The following ESYT2 variants were observed in gnomAD, a reference collection of about 807,000 sequenced individuals.
ESYT2 encodes extended synaptotagmin 2, also known as extended synaptotagmin-2.
Under a neutral mutation model 107.2 loss-of-function variants are expected in ESYT2, and 54 were observed. That is an observed-to-expected ratio of 0.50 (90% CI 0.40 to 0.63). ESYT2 has a LOEUF of 0.63. Ranked by LOEUF, ESYT2 falls within the 30% of genes least tolerant of loss-of-function variation. The probability of loss-of-function intolerance (pLI) is 0.00; values close to 1 mark genes in which losing one functional copy is unlikely to be tolerated. For synonymous variants in ESYT2, 491 were observed against 434.1 expected, an observed-to-expected ratio of 1.13 and a Z score of -1.63; for missense variants, 1,020 against 1,094.5, an observed-to-expected ratio of 0.93 and a Z score of 0.96.
intron 6 of ESYT2, among the ~76,000 whole-genome samples, chr7:158,781,527 G>A (rs907527824): frequency 6.6e-5 from 10 of 151,698 alleles, no homozygotes; most frequent in African/African-American, 1.9e-4. Flanking sequence ...AGTGTGAGAG[G>A]TGTGAGTGTA....
intron 6 of ESYT2, among the ~76,000 whole-genome samples, chr7:158,782,639 T>G (rs896973278): frequency 2.0e-4 from 10 of 50,580 alleles, no homozygotes; most frequent in Admixed American, 1.7e-3. Flanking sequence ...AGTGGGTATG[T>G]GAGAACAAAG....
At chr7:158,821,592 T>C (rs978162654) in intron 1 of ESYT2, among the ~76,000 whole-genome samples, 4 of 152,240 alleles carry the variant, frequency 2.6e-5, no homozygotes, top group African/African-American at 9.6e-5. Flanking sequence ...AAATCAGAAC[T>C]GCCCTGAGGG....
intron 1 of ESYT2, among the ~76,000 whole-genome samples, chr7:158,823,412 C>T (rs1322759917): frequency 2.7e-5 from 4 of 149,708 alleles, no homozygotes; most frequent in African/African-American, 7.4e-5. Flanking sequence ...CTGCAAGCTC[C>T]GCCTCCCAGT....
At chr7:158,736,819 A>G (rs890583667) in intron 20 of ESYT2, among the ~76,000 whole-genome samples, 1 of 152,242 alleles carries the variant, frequency 6.6e-6, no homozygotes, top group East Asian at 1.9e-4. Flanking sequence ...TTTAATCACT[A>G]GTCTACATGT....
intron 2 of ESYT2, 28 bp downstream of exon 2, chr7:158,799,003 G>C: frequency 6.3e-7 from 1 of 1,595,238 alleles, no homozygotes; most frequent in Non-Finnish European, 8.6e-7. Flanking sequence ...TCCACTGATG[G>C]ATGGTAGTTG....
intron 11 of ESYT2, among the ~76,000 whole-genome samples, chr7:158,760,730 T>C (rs1837933590): frequency 6.6e-6 from 1 of 152,206 alleles, no homozygotes; most frequent in Non-Finnish European, 1.5e-5. Flanking sequence ...CATCACTCTA[T>C]ACTAATAAAA....
chr7:158,751,504 C>T (rs1837583608), intron 14 of ESYT2, among the ~76,000 whole-genome samples: 1 of 152,052 alleles, frequency 6.6e-6, no homozygotes, highest in South Asian at 2.1e-4. Flanking sequence ...TCTGTTTATC[C>T]CTTGATTATT....
chr7:158,782,537 AAAT>A lies in ESYT2; in HGVS notation c.747+5464_747+5466del, dbSNP rs1433374770. 1.1e-4 allele frequency among the ~76,000 whole-genome samples: 16 copies of A among 143,250 alleles called. No homozygotes were observed. The South Asian group carries it at 3.3e-3, about 29-fold the overall frequency. The allele number at this position is 143,250 out of a possible 152,430, so 94.0% of individuals were successfully genotyped here. On this transcript the variant is annotated intron_variant, in intron 6 of 22. Transcript: ENST00000275418. Reference sequence around the variant, plus strand: ...TGTGAGTGGAATAGCGAGTGTAAGAAAATGAGTGTGAGAAGCAGCGGGAAAGTG... The same window carrying A: ...TGTGAGTGGAATAGCGAGTGTAAGAAGAGTGTGAGAAGCAGCGGGAAAGTG...
At chr7:158,771,198 T>C (rs962681818) in intron 7 of ESYT2, among the ~76,000 whole-genome samples, 20 of 152,250 alleles carry the variant, frequency 1.3e-4, no homozygotes, top group African/African-American at 4.3e-4. Context: ...CTGACTGCCC[T>C]TTCAGGTTGC....
At chr7:158,827,258 A>G (rs557993242) in intron 1 of ESYT2, among the ~76,000 whole-genome samples, 1 of 152,280 alleles carries the variant, frequency 6.6e-6, no homozygotes, top group South Asian at 2.1e-4. Flanking sequence ...AGTATCTATG[A>G]AAGTCAGCAT....
At chr7:158,740,033 G>C (rs191662188) in intron 18 of ESYT2, among the ~76,000 whole-genome samples, 3 of 152,348 alleles carry the variant, frequency 2.0e-5, no homozygotes, top group African/African-American at 7.2e-5. Flanking sequence ...GAGAGCAGCA[G>C]TGTTAAAGCA....
chr7:158,733,366 T>A lies in ESYT2; in HGVS notation c.*841A>T, dbSNP rs533136974. ...TTTGACAACAGCTTAATTGCTAACA[T>A]TGAAAGTCTGCTCTTACAGTTGAGG... On this transcript the variant is annotated 3_prime_UTR_variant, in exon 23 of 23. Transcript: ENST00000275418. The A allele has an allele frequency of 6.6e-6, 1 of 152,232 alleles. No individual in the cohort carries two copies. The highest frequency in any genetic ancestry group is 6.5e-5 in the Admixed American group (1 of 15,280). 9.4% of individuals were successfully genotyped at this position (152,232 alleles called of 1,614,324 possible).
intron 20 of ESYT2, among the ~76,000 whole-genome samples, chr7:158,736,632 C>T (rs890653298): frequency 3.3e-5 from 5 of 152,052 alleles, no homozygotes; most frequent in African/African-American, 1.2e-4. Flanking sequence ...TTTGGAAATA[C>T]AGTTGTTTTT....
intron 14 of ESYT2, among the ~76,000 whole-genome samples, chr7:158,751,538 T>G (rs1476637587): frequency 6.6e-6 from 1 of 152,240 alleles, no homozygotes; most frequent in Non-Finnish European, 1.5e-5. Flanking sequence ...TGCATCTATC[T>G]GAACCTCAGT....
chr7:158,768,605 G>C (rs1189198), intron 7 of ESYT2, among the ~76,000 whole-genome samples: 102,684 of 152,054 alleles, frequency 0.68, 36,339 homozygotes, highest in Non-Finnish European at 0.78. Flanking sequence ...TTTTAGTAGA[G>C]ACAGGGTTCA....
At chr7:158,788,936 C>A (rs1839194881) in intron 4 of ESYT2, among the ~76,000 whole-genome samples, 2 of 152,172 alleles carry the variant, frequency 1.3e-5, no homozygotes, top group African/African-American at 4.8e-5. Context: ...TTTGGGGCCT[C>A]AATTTTACTC....
intron 1 of ESYT2, among the ~76,000 whole-genome samples, chr7:158,809,345 G>A (rs553018521): frequency 4.9e-4 from 74 of 151,834 alleles, no homozygotes; most frequent in Non-Finnish European, 6.3e-4. Flanking sequence ...GCGTGGTGGC[G>A]TGCATCTGTA....
intron 10 of ESYT2, 81 bp from the exon 11 acceptor site, chr7:158,761,625 TTTC>T: frequency 7.7e-7 from 1 of 1,291,486 alleles, no homozygotes; most frequent in Non-Finnish European, 1.1e-6. Context: ...AGAAAACACA[TTTC>T]TTCCTGAAAC....
chr7:158,756,943 G>A lies in ESYT2; in HGVS notation c.1419+2543C>T, dbSNP rs559566180. 4.0e-5 allele frequency among the ~76,000 whole-genome samples: 6 copies of A among 150,228 alleles called. No homozygotes were observed. The East Asian group carries it at 9.7e-4, about 24-fold the overall frequency. On this transcript the variant is annotated intron_variant, in intron 13 of 22. Coordinates refer to ENST00000275418, the MANE Select transcript of ESYT2 (RefSeq NM_001367773.1). ...AAAAAAAAAAAAAAAAAAAAAAGGA[G>A]GGGATAGATTTTAAAACAGTTTTGT...
Sources: gnomAD v4.1 joint callset for allele counts (sites outside exome capture counted in the v4.1 genomes callset) on GRCh38, gnomAD v4.1.1 for gene constraint, MANE v1.5 for transcripts, NCBI Gene and HGNC (gene_info 2026-07-23, HGNC 2026-07-21) for gene names.